Variants in SEC14L6 observed in about 807,000 individuals in gnomAD.
SEC14L6 encodes SEC14-like protein 6.
A neutral mutation model predicts 54.1 loss-of-function variants in SEC14L6; 40 were observed. That is an observed-to-expected ratio of 0.74 (90% CI 0.57 to 0.96). SEC14L6 has a LOEUF of 0.96. SEC14L6 is among the 40% of genes least tolerant of loss of function. The probability of loss-of-function intolerance (pLI) is 0.00; values close to 1 mark genes in which losing one functional copy is unlikely to be tolerated. For synonymous variants in SEC14L6, 171 were observed against 198.4 expected (o/e 0.86, Z 1.16); for missense variants, 471 against 498.3 (o/e 0.95, Z 0.52).
In SEC14L6 at chr22:30,525,053, T is replaced by C. The variant is rs1432508231; in HGVS notation, c.1138A>G (p.Thr380Ala). The C allele has an allele frequency of 6.5e-7, 1 of 1,550,090 alleles. No homozygotes were observed. Among genetic ancestry groups the C allele is most frequent in the Non-Finnish European group, 8.7e-7 (1 of 1,146,670 alleles). ...TGGTCTGGGAGCAGTACCTCCACGG[T>C]GTAGCTGATGCGTTTAGAATGAACC... ...SLVHSKRISYTVEVLLPDQTF... is the reference protein window; with the variant it reads ...SLVHSKRISYAVEVLLPDQTF... The change falls in exon 12 of 12, where the codon ACC becomes GCC. Residue 380 changes from threonine to alanine, a missense_variant. Transcript: ENST00000402034.
In SEC14L6 at chr22:30,545,707, C is replaced by G. The variant is rs147473084; in HGVS notation, c.54+922G>C. Among the ~76,000 whole-genome samples the G allele has an allele frequency of 6.1e-3, 932 of 152,268 alleles. 8 individuals carry two copies. The highest frequency in any genetic ancestry group is 0.031 in the Middle Eastern group (9 of 294). On this transcript the variant is annotated intron_variant, in intron 1 of 11. Coordinates refer to ENST00000402034, the MANE Select transcript of SEC14L6 (RefSeq NM_001193336.4). Reference sequence around the variant, plus strand: ...CCTCAAAGTGCGGGGATTATAGGCCCGAGCTACTGCACCAGACCAGTTGTT... The same window carrying G: ...CCTCAAAGTGCGGGGATTATAGGCCGGAGCTACTGCACCAGACCAGTTGTT...
intron 2 of SEC14L6, among the ~76,000 whole-genome samples, chr22:30,535,393 TC>T (rs1240960382): frequency 6.6e-6 from 1 of 152,132 alleles, no homozygotes; most frequent in African/African-American, 2.4e-5. Context: ...TTTCACTTGG[TC>T]CCCAGGGCCT....
intron 1 of SEC14L6, among the ~76,000 whole-genome samples, chr22:30,545,051 A>G (rs1442634947): frequency 6.6e-6 from 1 of 152,030 alleles, no homozygotes; most frequent in Non-Finnish European, 1.5e-5. Flanking sequence ...CTATGATGGC[A>G]GGAATCGAGA....
chr22:30,543,783 T>G (rs765742768), intron 1 of SEC14L6: 5 of 1,532,722 alleles, frequency 3.3e-6, no homozygotes, highest in Non-Finnish European at 4.5e-6. Flanking sequence ...AGGGCTCCAC[T>G]TCTTCTACAA....
intron 1 of SEC14L6, chr22:30,542,605 G>T: frequency 6.6e-7 from 1 of 1,515,108 alleles, no homozygotes. Flanking sequence ...CGGCCGCCTC[G>T]GGCCGCTGCT....
intron 1 of SEC14L6, among the ~76,000 whole-genome samples, chr22:30,545,997 G>A (rs2146309097): frequency 6.6e-6 from 1 of 151,682 alleles, no homozygotes; most frequent in East Asian, 2.0e-4. Context: ...GACCTCAAAT[G>A]ATCCATCCAC....
intron 1 of SEC14L6, chr22:30,543,530 C>T: frequency 6.2e-7 from 1 of 1,613,354 alleles, no homozygotes; most frequent in African/African-American, 1.3e-5. Context: ...GTGAATGTAT[C>T]TGCCCACAGG....
intron 3 of SEC14L6, 136 bp downstream of exon 3, chr22:30,533,860 A>G: frequency 3.7e-6 from 3 of 809,838 alleles, no homozygotes; most frequent in Non-Finnish European, 5.9e-6. Context: ...GCACCAGGCC[A>G]GGTTTACCTT....
chr22:30,544,823 G>A (rs1281401348), intron 1 of SEC14L6, among the ~76,000 whole-genome samples: 2 of 152,160 alleles, frequency 1.3e-5, no homozygotes, highest in Non-Finnish European at 2.9e-5. Flanking sequence ...TCTCGCTGTG[G>A]GTGCCTGTAA....
chr22:30,532,044 C>T lies in SEC14L6; in HGVS notation c.424-46G>A, dbSNP rs780492964. 5 of 1,538,040 alleles carry T rather than the reference C, an allele frequency of 3.3e-6. No individual in the cohort carries two copies. In the South Asian group the frequency reaches 4.9e-5, roughly 15 times the overall value. ...GTGAGACCCTGTGAGGGCCACTGCC[C>T]CCACCCATCCAAGATGGGGCTGGGC... is the stretch of plus-strand genomic sequence containing the variant. On this transcript the variant is annotated intron_variant, in intron 5 of 11. Coordinates refer to ENST00000402034, the MANE Select transcript of SEC14L6 (RefSeq NM_001193336.4).
rs907904737 is a variant in SEC14L6, at chr22:30,524,946, C to T, written c.*51G>A. ...GTCTGGCCAGGGAAGGCTGTGAACT[C>T]ATTGTGGATTCAGAGATCAAAGAGG... On this transcript the variant is annotated 3_prime_UTR_variant, in exon 12 of 12. Transcript: ENST00000402034. The T allele has an allele frequency of 3.2e-6, 3 of 940,788 alleles. No homozygotes were observed. Among genetic ancestry groups the T allele is most frequent in the Admixed American group, 2.0e-5 (1 of 50,138 alleles). 58.3% of individuals were successfully genotyped at this position (940,788 alleles called of 1,614,324 possible).
At chr22:30,538,281 C>A (rs1391923941) in intron 2 of SEC14L6, among the ~76,000 whole-genome samples, 2 of 150,576 alleles carry the variant, frequency 1.3e-5, no homozygotes. Context: ...TGCAGTGAGC[C>A]GAGATCACGC....
chr22:30,542,733 G>A, intron 1 of SEC14L6: 5 of 1,513,080 alleles, frequency 3.3e-6, no homozygotes, highest in South Asian at 1.1e-5. Flanking sequence ...CCGCTCTGCA[G>A]TGCACTGTGA....
chr22:30,545,354 A>T (rs762743426), intron 1 of SEC14L6, among the ~76,000 whole-genome samples: 1 of 152,150 alleles, frequency 6.6e-6, no homozygotes, highest in Non-Finnish European at 1.5e-5. Flanking sequence ...TGTGAGTGTA[A>T]AATACACAGG....
chr22:30,534,046 C>T lies in SEC14L6; in HGVS notation c.131-7G>A, dbSNP rs749074786. On this transcript the variant is annotated splice_region_variant and splice_polypyrimidine_tract_variant and intron_variant, in intron 2 of 11. Transcript: ENST00000402034. Reference sequence around the variant, plus strand: ...TGCAGGTCAAAGCTCCGAGCTGCAACAAGAGACAGGGTTATGGTTGTGGAA... The same window carrying T: ...TGCAGGTCAAAGCTCCGAGCTGCAATAAGAGACAGGGTTATGGTTGTGGAA... 103 of 1,550,804 alleles carry T rather than the reference C, an allele frequency of 6.6e-5. No homozygotes were observed. The African/African-American group carries it at 1.1e-3, about 16-fold the overall frequency.
rs1036813556 is a variant in SEC14L6, at chr22:30,546,728, G to C, written c.-46C>G. 2 of 1,510,914 alleles carry C rather than the reference G, an allele frequency of 1.3e-6. No homozygotes were observed. Among genetic ancestry groups the C allele is most frequent in the Non-Finnish European group, 1.8e-6 (2 of 1,113,784 alleles). The allele number at this position is 1,510,914 out of a possible 1,614,324, so 93.6% of individuals were successfully genotyped here. A position where few individuals can be genotyped will look rare whatever the true frequency, so the allele number is the denominator to read the frequency against. On this transcript the variant is annotated 5_prime_UTR_variant, in exon 1 of 12. Transcript: ENST00000402034. ...GGCTCCACTCTGTGGCTCCCTCCAG[G>C]TGGCCTGCCTTTTGCCAGCTGGTAG...
chr22:30,543,781 A>C (rs2085765740), intron 1 of SEC14L6: 1 of 1,528,490 alleles, frequency 6.5e-7, no homozygotes. Context: ...CCAGGGCTCC[A>C]CTTCTTCTAC....
intron 8 of SEC14L6, among the ~76,000 whole-genome samples, chr22:30,527,971 A>AT (rs949943659): frequency 6.0e-5 from 9 of 150,330 alleles, no homozygotes; most frequent in East Asian, 3.9e-4. Flanking sequence ...GTATGAACCC[A>AT]TTTTTTTTTG....
At position 30,523,774 on chromosome 22, in the gene SEC14L6, C is replaced by A. The variant is rs1291318388; in HGVS notation, c.*1223G>T. 1.3e-5 allele frequency: 2 copies of A among 152,182 alleles called. No homozygotes were observed. The highest frequency in any genetic ancestry group is 4.8e-5 in the African/African-American group (2 of 41,448). The allele number at this position is 152,182 out of a possible 1,614,324, so 9.4% of individuals were successfully genotyped here. On this transcript the variant is annotated 3_prime_UTR_variant, in exon 12 of 12. Coordinates refer to ENST00000402034, the MANE Select transcript of SEC14L6 (RefSeq NM_001193336.4). Reference sequence around the variant, plus strand: ...AAGACAGAATAGAGAGTTTAAAATTCTTTCTAGATGGGAAACTGTGAGGTT... The same window carrying A: ...AAGACAGAATAGAGAGTTTAAAATTATTTCTAGATGGGAAACTGTGAGGTT...
Sources: allele counts gnomAD v4.1 joint callset (sites outside exome capture counted in the v4.1 genomes callset), GRCh38; gene constraint gnomAD v4.1.1; transcripts MANE v1.5; gene names NCBI Gene and HGNC (gene_info 2026-07-23, HGNC 2026-07-21).